The following DOCK1 variants were observed in gnomAD, a reference collection of about 807,000 sequenced individuals.
DOCK1 encodes dedicator of cytokinesis 1.
Under a neutral mutation model 262.7 loss-of-function variants are expected in DOCK1, and 138 were observed. That is an observed-to-expected ratio of 0.53 (90% confidence interval 0.46 to 0.61). The LOEUF is 0.61. Ranked by LOEUF, DOCK1 falls within the 20% of genes least tolerant of loss-of-function variation. DOCK1 has a pLI of 0.00. For synonymous variants in DOCK1, 866 were observed against 867.4 expected, an observed-to-expected ratio of 1.00 and a Z score of 0.03; for missense variants, 1,908 against 2,370.7, an observed-to-expected ratio of 0.80 and a Z score of 4.05.
chr10:127,109,567 A>G (rs1173438021), intron 24 of DOCK1, among the ~76,000 whole-genome samples: 2 of 152,060 alleles, frequency 1.3e-5, no homozygotes, highest in African/African-American at 4.8e-5. Context: ...GGTAACCCCG[A>G]ATCTCTTTTC....
intron 31 of DOCK1, among the ~76,000 whole-genome samples, chr10:127,347,668 G>A (rs1254892982): frequency 6.6e-6 from 1 of 151,206 alleles, no homozygotes; most frequent in East Asian, 1.9e-4. Flanking sequence ...GGAGCTTGAT[G>A]CATGCACCTG....
intron 38 of DOCK1, among the ~76,000 whole-genome samples, chr10:127,394,496 G>A (rs1362880783): frequency 6.6e-6 from 1 of 151,976 alleles, no homozygotes; most frequent in Non-Finnish European, 1.5e-5. Context: ...GTTTCCCTTT[G>A]GAAACACAGT....
At chr10:127,331,926 A>C (rs1243033836) in intron 29 of DOCK1, among the ~76,000 whole-genome samples, 3 of 152,216 alleles carry the variant, frequency 2.0e-5, no homozygotes, top group Non-Finnish European at 4.4e-5. Context: ...AAGCAATGAC[A>C]GTGTCTGGAA....
intron 27 of DOCK1, among the ~76,000 whole-genome samples, chr10:127,152,106 C>T (rs970589807): frequency 1.3e-5 from 2 of 152,154 alleles, no homozygotes; most frequent in Non-Finnish European, 2.9e-5. Context: ...TGTCTTGACT[C>T]ACTGTTGCTT....
chr10:127,447,283 G>C, intron 50 of DOCK1, 111 bp from the exon 51 acceptor site: 2 of 1,464,850 alleles, frequency 1.4e-6, no homozygotes, highest in Non-Finnish European at 1.8e-6. Context: ...TCTGCCAGAT[G>C]AAGTGTTTCT....
At chr10:127,314,188 G>C (rs1241584807) in intron 29 of DOCK1, among the ~76,000 whole-genome samples, 1 of 152,242 alleles carries the variant, frequency 6.6e-6, no homozygotes, top group African/African-American at 2.4e-5. Context: ...AGTGCCTCCT[G>C]AAAACAGGAA....
intron 3 of DOCK1, 103 bp downstream of exon 3, chr10:126,978,091 C>T: frequency 1.7e-6 from 2 of 1,167,578 alleles, no homozygotes; most frequent in Admixed American, 3.7e-5. Flanking sequence ...ACTTCTATAT[C>T]TCTTTCTCTG....
intron 33 of DOCK1, among the ~76,000 whole-genome samples, chr10:127,372,922 C>T (rs554640732): frequency 1.3e-5 from 2 of 152,298 alleles, no homozygotes; most frequent in East Asian, 1.9e-4. Flanking sequence ...AACCTCAGGG[C>T]CCCCTGCAGC....
chr10:127,112,657 G>A (rs2048937192), intron 25 of DOCK1, among the ~76,000 whole-genome samples: 2 of 152,206 alleles, frequency 1.3e-5, no homozygotes. Flanking sequence ...TGTACCCAAT[G>A]TAGTAAATGA....
At chr10:127,415,083 C>G in intron 43 of DOCK1, 69 bp from the exon 44 acceptor site, 2 of 1,451,290 alleles carry the variant, frequency 1.4e-6, no homozygotes, top group East Asian at 2.3e-5. Context: ...ATAAATCCCC[C>G]TTAGGGCAGA....
At chr10:127,433,041 T>C (rs2134647847) in intron 47 of DOCK1, among the ~76,000 whole-genome samples, 1 of 152,368 alleles carries the variant, frequency 6.6e-6, no homozygotes, top group Admixed American at 6.5e-5. Context: ...AAACTTGCAC[T>C]GTGTATTAAA....
At chr10:127,273,481 C>G (rs576763019) in intron 29 of DOCK1, among the ~76,000 whole-genome samples, 2 of 152,344 alleles carry the variant, frequency 1.3e-5, no homozygotes, top group African/African-American at 4.8e-5. Context: ...GGCCAGGCAT[C>G]TGATTTGATT....
chr10:127,278,366 G>A (rs2060823120), intron 29 of DOCK1, among the ~76,000 whole-genome samples: 1 of 152,132 alleles, frequency 6.6e-6, no homozygotes, highest in African/African-American at 2.4e-5. Context: ...GCAGGTTGGT[G>A]AGCTCCCAGG....
intron 2 of DOCK1, 111 bp downstream of exon 2, chr10:126,970,896 C>A: frequency 8.2e-7 from 1 of 1,223,228 alleles, no homozygotes; most frequent in Non-Finnish European, 1.1e-6. Context: ...GACAGTCATG[C>A]TTCCTTCTCA....
chr10:127,222,634 T>TTGTGTTGTGC (rs2058481986), intron 27 of DOCK1, among the ~76,000 whole-genome samples: 1 of 12,826 alleles, frequency 7.8e-5, no homozygotes, highest in Non-Finnish European at 2.3e-4. Flanking sequence ...TTGTTTTGTG[T>TTGTGTTGTGC]TGTGTTGTGT....
At chr10:127,352,729 A>AT (rs2063945339) in intron 31 of DOCK1, among the ~76,000 whole-genome samples, 1 of 152,100 alleles carries the variant, frequency 6.6e-6, no homozygotes, top group South Asian at 2.1e-4. Context: ...AGTAGCTGGG[A>AT]TTACAGACAT....
Position 127,081,260 on chromosome 10 carries a change from C to T in DOCK1, c.2445+19484C>T, listed in dbSNP as rs79443561. On this transcript the variant is annotated intron_variant, in intron 23 of 51. Transcript: ENST00000623213. ...TACCTGGTGCAGAGGCCACTTGTTT[C>T]TACAGGTTTGTCCTGGTGGTCTGTC... Among the ~76,000 whole-genome samples, 242 of 152,188 alleles carry T rather than the reference C, an allele frequency of 1.6e-3. 4 individuals are homozygous for T. The highest frequency in any genetic ancestry group is 5.4e-3 in the African/African-American group (226 of 41,534).
At chr10:127,314,617 G>A (rs1351782606) in intron 29 of DOCK1, among the ~76,000 whole-genome samples, 1 of 151,908 alleles carries the variant, frequency 6.6e-6, no homozygotes, top group Non-Finnish European at 1.5e-5. Context: ...CTAGGTTTTT[G>A]TTGAAAATTA....
In DOCK1 at chr10:127,415,290, G is replaced by T. The variant is rs2068089471; in HGVS notation, c.4515+52G>T. On this transcript the variant is annotated intron_variant, in intron 44 of 51. Coordinates refer to ENST00000623213, the MANE Select transcript of DOCK1 (RefSeq NM_001290223.2). ...ATTGTCCGTTCCCTTCCTCAATACA[G>T]TCTGCCACGCCTTCTTCACCTGCTC... 9 of 1,556,762 alleles carry T rather than the reference G, an allele frequency of 5.8e-6. No individual in the cohort carries two copies. In the South Asian group the frequency reaches 1.0e-4, roughly 18 times the overall value.
Sources: allele counts gnomAD v4.1 joint callset (sites outside exome capture counted in the v4.1 genomes callset), GRCh38; gene constraint gnomAD v4.1.1; transcripts MANE v1.5; gene names NCBI Gene and HGNC (gene_info 2026-07-23, HGNC 2026-07-21).